Variants in PPP2R2C observed in about 807,000 individuals in gnomAD.
PPP2R2C encodes protein phosphatase 2, regulatory subunit B, gamma.
PPP2R2C carries 10 observed loss-of-function variants against 45.3 expected under a neutral mutation model. That is an observed-to-expected ratio of 0.22 (90% confidence interval 0.14 to 0.37). The LOEUF (loss-of-function observed/expected upper bound fraction) is 0.37, where lower values mean the gene tolerates loss of function less well. Ranked by LOEUF, PPP2R2C falls within the 10% of genes least tolerant of loss-of-function variation. The probability of loss-of-function intolerance (pLI) is 1.00; values close to 1 mark genes in which losing one functional copy is unlikely to be tolerated. For missense variants in PPP2R2C, 308 were observed against 619.7 expected (o/e 0.50, Z 5.34); for synonymous variants, 257 against 245.4 (o/e 1.05, Z -0.44).
At chr4:6,437,906 G>C (rs971875959) in intron 1 of PPP2R2C, among the ~76,000 whole-genome samples, 4 of 152,208 alleles carry the variant, frequency 2.6e-5, no homozygotes, top group Admixed American at 2.0e-4. Flanking sequence ...CCAACTACAG[G>C]CCTTAGAAGG....
chr4:6,447,566 G>A lies in PPP2R2C; in HGVS notation c.70+24594C>T, dbSNP rs552202271. ...CACATGCCAGCAAAGATGGTGACCT[G>A]ACCTTTGTCCTCCTCCTTCCCCCTG... On this transcript the variant is annotated intron_variant, in intron 1 of 8. Transcript: ENST00000382599. Among the ~76,000 whole-genome samples the A allele has an allele frequency of 2.7e-4, 35 of 129,900 alleles. 1 individual carries two copies. The Admixed American group carries it at 3.3e-3, about 12-fold the overall frequency. The allele number at this position is 129,900 out of a possible 152,430, so 85.2% of individuals were successfully genotyped here.
chr4:6,399,278 G>A (rs117964813), intron 1 of PPP2R2C, among the ~76,000 whole-genome samples: 1 of 152,192 alleles, frequency 6.6e-6, no homozygotes, highest in Non-Finnish European at 1.5e-5. Context: ...GTCTTCGTTT[G>A]CAGTAAAAGG....
intron 2 of PPP2R2C, among the ~76,000 whole-genome samples, chr4:6,501,223 TG>T (rs1723042102): frequency 6.6e-6 from 1 of 152,134 alleles, no homozygotes; most frequent in African/African-American, 2.4e-5. Context: ...TGCCATAAAA[TG>T]TAATTGGCAG....
At chr4:6,552,275 T>C (rs1342592827) in intron 1 of PPP2R2C, among the ~76,000 whole-genome samples, 1 of 152,186 alleles carries the variant, frequency 6.6e-6, no homozygotes. Context: ...AAACAGAAGC[T>C]TATTCTCTAA....
intron 1 of PPP2R2C, among the ~76,000 whole-genome samples, chr4:6,538,882 C>T (rs139096822): frequency 1.2e-4 from 19 of 152,282 alleles, no homozygotes; most frequent in Non-Finnish European, 2.6e-4. Flanking sequence ...TGCTGTTTCC[C>T]GGTACCTGCT....
chr4:6,357,038 T>C (rs1459055488), intron 5 of PPP2R2C, among the ~76,000 whole-genome samples: 4 of 139,508 alleles, frequency 2.9e-5, no homozygotes, highest in South Asian at 2.4e-4. Flanking sequence ...ACAGCTGCAG[T>C]CATGGGCATG....
chr4:6,535,534 C>T (rs1360065172), intron 1 of PPP2R2C, among the ~76,000 whole-genome samples: 1 of 152,220 alleles, frequency 6.6e-6, no homozygotes, highest in South Asian at 2.1e-4. Context: ...TTGGAAATGC[C>T]TCCCTCCTCC....
At chr4:6,481,547 C>T (rs192606862) in intron 2 of PPP2R2C, among the ~76,000 whole-genome samples, 5 of 152,250 alleles carry the variant, frequency 3.3e-5, no homozygotes, top group East Asian at 1.9e-4. Context: ...ACTACCCTGC[C>T]GTAGAGAGAC....
chr4:6,525,888 G>C (rs1467799101), intron 2 of PPP2R2C, among the ~76,000 whole-genome samples: 1 of 152,150 alleles, frequency 6.6e-6, no homozygotes, highest in Non-Finnish European at 1.5e-5. Flanking sequence ...ATTTTTAGTA[G>C]ATACAGCGTT....
chr4:6,517,274 T>C (rs1428203297), intron 2 of PPP2R2C, among the ~76,000 whole-genome samples: 1 of 152,210 alleles, frequency 6.6e-6, no homozygotes, highest in East Asian at 1.9e-4. Context: ...AAAGGCACCA[T>C]GCTGGGCACA....
chr4:6,362,938 C>A (rs1418649642), intron 5 of PPP2R2C, among the ~76,000 whole-genome samples: 1 of 152,042 alleles, frequency 6.6e-6, no homozygotes, highest in East Asian at 1.9e-4. Flanking sequence ...GGCTTTGTTT[C>A]CTCATCTGTA....
intron 2 of PPP2R2C, among the ~76,000 whole-genome samples, chr4:6,493,309 A>T (rs1360069887): frequency 6.6e-6 from 1 of 151,564 alleles, no homozygotes; most frequent in African/African-American, 2.4e-5. Flanking sequence ...GTTTATCAGG[A>T]CTATTGTCTG....
At chr4:6,517,620 AAGAC>A (rs759800619) in intron 2 of PPP2R2C, among the ~76,000 whole-genome samples, 138 of 152,320 alleles carry the variant, frequency 9.1e-4, no homozygotes, top group African/African-American at 2.8e-3. Flanking sequence ...TAGGAAAAAA[AAGAC>A]AGAAGAAATT....
Position 6,504,968 on chromosome 4 carries a change from A to G in PPP2R2C, c.49+30303T>C, listed in dbSNP as rs1298285732. 4.6e-5 allele frequency among the ~76,000 whole-genome samples: 7 copies of G among 152,336 alleles called. No homozygotes were observed. In the East Asian group the frequency reaches 1.3e-3, roughly 29 times the overall value. The stretch of plus-strand genomic sequence containing the variant: ...TTCAGCGAATCTCAAGCAGGGAAAA[A>G]AACACAAAGAAAACCACATAAAGGC... On this transcript the variant is annotated intron_variant, in intron 2 of 9. Transcript: ENST00000506140.
intron 1 of PPP2R2C, among the ~76,000 whole-genome samples, chr4:6,395,576 G>A (rs146824907): frequency 1.3e-5 from 2 of 152,316 alleles, no homozygotes; most frequent in South Asian, 2.1e-4. Flanking sequence ...TAGGGTGTGG[G>A]CAGAGGCGGG....
chr4:6,406,598 C>CA (rs11317671), intron 1 of PPP2R2C, among the ~76,000 whole-genome samples: 45,902 of 149,736 alleles, frequency 0.31, 7,581 homozygotes, highest in East Asian at 0.69. Flanking sequence ...AAGAAAAAGC[C>CA]AAAAAAAAAA....
intron 5 of PPP2R2C, among the ~76,000 whole-genome samples, chr4:6,367,332 T>C (rs1577113760): frequency 1.3e-5 from 2 of 152,228 alleles, no homozygotes; most frequent in East Asian, 3.9e-4. Context: ...AAACCTCCAG[T>C]GGGCACGGAG....
Position 6,333,673 on chromosome 4 carries a change from G to C in PPP2R2C, c.849C>G (p.Ser283=). The C allele has an allele frequency of 1.2e-6, 2 of 1,614,148 alleles. No individual in the cohort carries two copies. Among genetic ancestry groups the C allele is most frequent in the Non-Finnish European group, 1.7e-6 (2 of 1,180,024 alleles). ...TGTGGCTGAACTTCACGTCGGACAC[G>C]GAGGAGATGATTTCCGAGAAGAATG... is the stretch of plus-strand genomic sequence containing the variant. ...NRSFFSEIIS[S]VSDVKFSHSG... Residue 283 remains serine, a synonymous_variant, in exon 7 of 9, where the codon TCC becomes TCG. Transcript: ENST00000382599.
At chr4:6,498,413 T>C (rs1722940121) in intron 2 of PPP2R2C, among the ~76,000 whole-genome samples, 1 of 152,216 alleles carries the variant, frequency 6.6e-6, no homozygotes, top group Admixed American at 6.5e-5. Context: ...GATCCACAGA[T>C]GCTGCAATTT....
Sources: allele counts gnomAD v4.1 joint callset (sites outside exome capture counted in the v4.1 genomes callset), GRCh38; gene constraint gnomAD v4.1.1; transcripts MANE v1.5; gene names NCBI Gene and HGNC (gene_info 2026-07-23, HGNC 2026-07-21).